The following LYRM4 variants were observed in gnomAD, a reference collection of about 807,000 sequenced individuals.
LYRM4 encodes the protein LYR motif containing 4.
Under a neutral mutation model 11.7 loss-of-function variants are expected in LYRM4, and 9 were observed. The observed-to-expected ratio is 0.77, with a 90% CI of 0.46 to 1.34. The LOEUF is 1.34. Ranked by LOEUF, LYRM4 falls within the 40% of genes most tolerant of loss-of-function variation. The pLI is 0.00. For missense variants in LYRM4, 133 were observed against 112.5 expected, an observed-to-expected ratio of 1.18 and a Z score of -0.82; for synonymous variants, 42 against 40.4, an observed-to-expected ratio of 1.04 and a Z score of -0.15.
chr6:5,190,250 A>G (rs1760675811), intron 2 of LYRM4, among the ~76,000 whole-genome samples: 1 of 152,052 alleles, frequency 6.6e-6, no homozygotes. Flanking sequence ...TAATTTAAAA[A>G]CCAATTTGGC....
intron 1 of LYRM4, among the ~76,000 whole-genome samples, chr6:5,225,929 T>A (rs1351900630): frequency 6.6e-6 from 1 of 152,238 alleles, no homozygotes; most frequent in African/African-American, 2.4e-5. Context: ...TGCCTTTTTC[T>A]CATCATGTAT....
At chr6:5,214,094 A>ATCT (rs1762128728) in intron 2 of LYRM4, among the ~76,000 whole-genome samples, 1 of 152,194 alleles carries the variant, frequency 6.6e-6, no homozygotes, top group Non-Finnish European at 1.5e-5. Context: ...GCGACAGGGG[A>ATCT]GATCCCTGTC....
intron 1 of LYRM4, among the ~76,000 whole-genome samples, chr6:5,233,433 G>A (rs998197838): frequency 2.6e-5 from 4 of 152,172 alleles, no homozygotes; most frequent in Non-Finnish European, 5.9e-5. Context: ...GCCCTGGAAC[G>A]TGAGAAGAAA....
At chr6:5,083,416 G>A in the LYRM4 span, among the ~76,000 whole-genome samples, 1 of 152,220 alleles carries the variant, frequency 6.6e-6, no homozygotes, top group Non-Finnish European at 1.5e-5. Context: ...TCAAGACACA[G>A]TCATGGAATT....
intron 2 of LYRM4, chr6:5,136,621 G>T (rs975499087): frequency 1.0e-6 from 1 of 985,330 alleles, no homozygotes; most frequent in Non-Finnish European, 1.2e-6. Flanking sequence ...TCTAGTAATC[G>T]ATTACTTCCA....
At chr6:5,196,616 CCACTATCAGGGGAAACATATTTG>C (rs1761070374) in intron 2 of LYRM4, among the ~76,000 whole-genome samples, 1 of 152,322 alleles carries the variant, frequency 6.6e-6, no homozygotes, top group African/African-American at 2.4e-5. Flanking sequence ...GCACAGCACA[CCACTATCAGGGGAAACATATTTG>C]CATTAATCTA....
intron 1 of LYRM4, among the ~76,000 whole-genome samples, chr6:5,245,103 AAAAAAAAAAAATAT>A (rs1764089001): frequency 1.7e-5 from 1 of 58,376 alleles, no homozygotes; most frequent in African/African-American, 6.0e-5. Flanking sequence ...AAAAAAAAAA[AAAAAAAAAAAATAT>A]ATATATATAT....
Position 5,138,487 on chromosome 6 carries a change from C to CAAAAAAAAAA in LYRM4, c.208-29006_208-28997dup, listed in dbSNP as rs765741377. The stretch of plus-strand genomic sequence containing the variant: ...GGCCAACAGAGTGAGACCCTGTCTC[C>CAAAAAAAAAA]AAAAAAAAAAAAAAAAAAAAAAAAA... On this transcript the variant is annotated intron_variant, in intron 2 of 2. Transcript: ENST00000330636. 1.5e-3 allele frequency among the ~76,000 whole-genome samples: 73 copies of CAAAAAAAAAA among 49,688 alleles called. 3 individuals carry two copies. Among genetic ancestry groups the CAAAAAAAAAA allele is most frequent in the South Asian group, 5.6e-3 (4 of 716 alleles). 32.6% of individuals were successfully genotyped at this position (49,688 alleles called of 152,430 possible).
intron 1 of LYRM4, among the ~76,000 whole-genome samples, chr6:5,221,869 G>GT (rs2127730365): frequency 6.6e-6 from 1 of 152,188 alleles, no homozygotes; most frequent in African/African-American, 2.4e-5. Context: ...TCTTCCAATC[G>GT]TAACTTTCCA....
chr6:5,119,124 A>G (rs1316702778), intron 2 of LYRM4, among the ~76,000 whole-genome samples: 2 of 152,132 alleles, frequency 1.3e-5, no homozygotes, highest in East Asian at 1.9e-4. Context: ...TAAGCCTTGA[A>G]TGTTAGATAT....
chr6:5,096,162 A>G, the LYRM4 span, among the ~76,000 whole-genome samples: 2 of 152,112 alleles, frequency 1.3e-5, no homozygotes, highest in East Asian at 1.9e-4. Context: ...AAACCATTTC[A>G]CAATAAGAGT....
At chr6:5,123,642 G>T (rs1366627942) in intron 2 of LYRM4, among the ~76,000 whole-genome samples, 1 of 152,224 alleles carries the variant, frequency 6.6e-6, no homozygotes, top group Admixed American at 6.5e-5. Flanking sequence ...TCCCTCTCCT[G>T]GGGTGCCCTG....
intron 2 of LYRM4, among the ~76,000 whole-genome samples, chr6:5,114,238 G>A (rs1367278879): frequency 6.6e-6 from 1 of 152,220 alleles, no homozygotes; most frequent in African/African-American, 2.4e-5. Context: ...TGATATGGGA[G>A]CTACACGCTA....
At chr6:5,136,101 G>T in intron 2 of LYRM4, 1 of 176,764 alleles carries the variant, frequency 5.7e-6, no homozygotes, top group Non-Finnish European at 1.1e-5. Flanking sequence ...TTAGGGCTGA[G>T]TAACATTCCA....
intron 1 of LYRM4, among the ~76,000 whole-genome samples, chr6:5,222,326 A>G (rs529553532): frequency 2.6e-5 from 4 of 152,264 alleles, no homozygotes; most frequent in Non-Finnish European, 5.9e-5. Flanking sequence ...TTTGCAGCAA[A>G]AAGATTCAAA....
At chr6:5,074,618 CTTTCT>C in the LYRM4 span, among the ~76,000 whole-genome samples, 1 of 146,862 alleles carries the variant, frequency 6.8e-6, no homozygotes, top group African/African-American at 2.5e-5. Context: ...AGTTGCTTTT[CTTTCT>C]TTTTTTTTTT....
At chr6:5,193,077 T>C (rs1292600537) in intron 2 of LYRM4, among the ~76,000 whole-genome samples, 3 of 152,058 alleles carry the variant, frequency 2.0e-5, no homozygotes, top group African/African-American at 7.2e-5. Context: ...TGGATTTCAG[T>C]TCAGTAGGCA....
intron 2 of LYRM4, among the ~76,000 whole-genome samples, chr6:5,127,689 T>A (rs895910573): frequency 1.3e-5 from 2 of 152,264 alleles, no homozygotes; most frequent in African/African-American, 4.8e-5. Flanking sequence ...TTAAAGAAAT[T>A]GTTATTAGAA....
intron 1 of LYRM4, among the ~76,000 whole-genome samples, chr6:5,223,998 G>T (rs977630192): frequency 9.9e-5 from 15 of 152,148 alleles, no homozygotes; most frequent in Admixed American, 1.3e-4. Flanking sequence ...CCACCTAGCA[G>T]CTTCCAGCAA....
Sources: allele counts gnomAD v4.1 joint callset (sites outside exome capture counted in the v4.1 genomes callset), GRCh38; gene constraint gnomAD v4.1.1; transcripts MANE v1.5; gene names NCBI Gene and HGNC (gene_info 2026-07-23, HGNC 2026-07-21).